ODF2: variants seen among roughly 807,000 people sequenced by gnomAD.
ODF2 encodes the protein outer dense fiber protein 2.
ODF2 carries 47 observed loss-of-function variants against 110.2 expected under a neutral mutation model. That is an observed-to-expected ratio of 0.43 (90% CI 0.34 to 0.54). The LOEUF is 0.54. Ranked by LOEUF, ODF2 falls within the 20% of genes least tolerant of loss-of-function variation. The pLI, the probability that ODF2 is intolerant of heterozygous loss-of-function variation, is 0.03. For missense variants in ODF2, 812 were observed against 1,054.5 expected (o/e 0.77, Z 3.19); for synonymous variants, 352 against 397.7 (o/e 0.89, Z 1.37).
chr9:128,475,578 C>G (rs1220798914), intron 8 of ODF2, among the ~76,000 whole-genome samples: 3 of 152,052 alleles, frequency 2.0e-5, no homozygotes, highest in South Asian at 4.1e-4. Context: ...TATCCTTGAC[C>G]AATATTTCCC....
At chr9:128,468,142 C>G (rs10733691) in intron 4 of ODF2, among the ~76,000 whole-genome samples, 97,109 of 152,064 alleles carry the variant, frequency 0.64, 33,910 homozygotes, top group Non-Finnish European at 0.79. Context: ...TAATATCATA[C>G]AATATCTGGT....
chr9:128,493,224 A>G (rs1295197941), intron 16 of ODF2, among the ~76,000 whole-genome samples: 1 of 152,060 alleles, frequency 6.6e-6, no homozygotes, highest in East Asian at 1.9e-4. Context: ...TGTCTCTACT[A>G]AAAATACAAA....
intron 7 of ODF2, 85 bp downstream of exon 7, chr9:128,473,127 T>C: frequency 6.3e-7 from 1 of 1,583,016 alleles, no homozygotes; most frequent in Non-Finnish European, 8.6e-7. Flanking sequence ...TTACGCGTCA[T>C]CAGGCAGACT....
At chr9:128,456,145 C>G, upstream of ODF2, 4 of 1,548,482 alleles carry the variant, frequency 2.6e-6, no homozygotes, top group Middle Eastern at 1.7e-4. Context: ...GGGGAGGAGC[C>G]GCTGCCAGAG....
rs2132267550 is a variant in ODF2 at position 128,494,747 on chromosome 9, A to G, written c.1911+79A>G. 6.2e-7 allele frequency: 1 copy of G among 1,613,038 alleles called. No homozygotes were observed. Reference sequence around the variant, plus strand: ...ACCAAGATGAGCTGCACGCCCCCCAAGGGAGGACTACTTCCTTTTTCTTGG... The same window carrying G: ...ACCAAGATGAGCTGCACGCCCCCCAGGGGAGGACTACTTCCTTTTTCTTGG... On this transcript the variant is annotated intron_variant, in intron 17 of 20. Transcript: ENST00000604420. The surrounding 1 kb of genome is among the most constrained non-coding windows in gnomAD (Gnocchi z 4.6).
chr9:128,464,249 A>G (rs1467847370), intron 4 of ODF2, among the ~76,000 whole-genome samples: 3 of 135,414 alleles, frequency 2.2e-5, no homozygotes, highest in Non-Finnish European at 4.7e-5. Context: ...TCCATTTCCC[A>G]GGTTCAAGCA....
chr9:128,462,795 G>A (rs570785459), intron 4 of ODF2, among the ~76,000 whole-genome samples: 392 of 151,794 alleles, frequency 2.6e-3, no homozygotes, highest in South Asian at 4.8e-3. Flanking sequence ...GGGTTTCACC[G>A]TGTTAGCCAG....
intron 20 of ODF2, 102 bp from the exon 21 acceptor site, chr9:128,499,965 C>T (rs1175456079): frequency 8.0e-7 from 1 of 1,249,744 alleles, no homozygotes; most frequent in Non-Finnish European, 1.1e-6. Context: ...CCACACTCGC[C>T]TCCCCAAACC....
chr9:128,475,382 CAT>C (rs1298208181), intron 8 of ODF2, among the ~76,000 whole-genome samples: 4 of 152,164 alleles, frequency 2.6e-5, no homozygotes, highest in Admixed American at 1.3e-4. Flanking sequence ...TGATGTACAA[CAT>C]GTTTTGACAT....
At chr9:128,455,918 A>T (rs1213540656), upstream of ODF2, 1 of 1,376,410 alleles carries the variant, frequency 7.3e-7, no homozygotes, top group Non-Finnish European at 9.4e-7. Flanking sequence ...AAGGCCTTGA[A>T]TGGGGGGCGA....
chr9:128,471,696 G>C (rs1013913537), intron 6 of ODF2, among the ~76,000 whole-genome samples: 3 of 152,098 alleles, frequency 2.0e-5, no homozygotes, highest in Non-Finnish European at 4.4e-5. Context: ...GTGGGACTGG[G>C]TAGCAGGGAA....
At chr9:128,482,255 G>A (rs1020085567) in intron 9 of ODF2, among the ~76,000 whole-genome samples, 2 of 152,198 alleles carry the variant, frequency 1.3e-5, no homozygotes, top group Admixed American at 6.5e-5. Flanking sequence ...CCCAAGGTGT[G>A]GTCTGTGGCC....
At chr9:128,499,940 C>T in intron 20 of ODF2, 127 bp from the exon 21 acceptor site, 1 of 827,378 alleles carries the variant, frequency 1.2e-6, no homozygotes, top group Non-Finnish European at 1.9e-6. Context: ...AACCCCATAC[C>T]CATTAGAAGT....
intron 13 of ODF2, among the ~76,000 whole-genome samples, chr9:128,487,644 G>A (rs1371802703): frequency 2.6e-5 from 4 of 152,020 alleles, no homozygotes; most frequent in Non-Finnish European, 5.9e-5. Flanking sequence ...GAACTTAGCC[G>A]GGCGTGGCGG....
intron 8 of ODF2, among the ~76,000 whole-genome samples, chr9:128,477,243 A>C (rs1300544961): frequency 2.6e-5 from 4 of 151,590 alleles, no homozygotes; most frequent in African/African-American, 7.3e-5. Flanking sequence ...AAAAAAAAAA[A>C]AAACCTGTTA....
chr9:128,457,932 T>TATAC (rs1006613442), intron 2 of ODF2, among the ~76,000 whole-genome samples: 8 of 69,208 alleles, frequency 1.2e-4, no homozygotes, highest in Non-Finnish European at 1.6e-4. Context: ...GAGGTCTATA[T>TATAC]ATATATATAT....
At position 128,495,785 on chromosome 9, in the gene ODF2, C is replaced by A. The variant is rs1588996496; in HGVS notation, c.1912-256C>A. Among the ~76,000 whole-genome samples, 4 of 152,246 alleles carry A rather than the reference C, an allele frequency of 2.6e-5. No homozygotes were observed. In the South Asian group the frequency reaches 8.3e-4, roughly 32 times the overall value. The stretch of plus-strand genomic sequence containing the variant: ...TAGCTGGGTCTCTCTGAGTGGCCTC[C>A]CCTGATCGAGAAAGCATCTTTGTCA... On this transcript the variant is annotated intron_variant, in intron 17 of 20. Transcript: ENST00000604420.
At chr9:128,472,824 G>A in intron 6 of ODF2, 89 bp from the exon 7 acceptor site, 1 of 1,579,938 alleles carries the variant, frequency 6.3e-7, no homozygotes, top group Non-Finnish European at 8.6e-7. Flanking sequence ...GACCAGAGGT[G>A]AGCCCCCTAG....
intron 8 of ODF2, among the ~76,000 whole-genome samples, chr9:128,474,217 G>A (rs1332807243): frequency 1.3e-5 from 2 of 152,096 alleles, no homozygotes; most frequent in African/African-American, 4.8e-5. Context: ...AAATTAGGCT[G>A]AGCGCGGTGG....
Sources: gnomAD v4.1 joint callset for allele counts (sites outside exome capture counted in the v4.1 genomes callset) on GRCh38, gnomAD v4.1.1 for gene constraint, Gnocchi (gnomAD v3.1) non-coding constraint, MANE v1.5 for transcripts, NCBI Gene and HGNC (gene_info 2026-07-23, HGNC 2026-07-21) for gene names.